Variants in DRC11 observed in about 807,000 individuals in gnomAD.
The protein encoded by DRC11 is dynein regulatory complex subunit 11.
chr2:236,353,840 A>T, the DRC11 span, among the ~76,000 whole-genome samples: 4 of 151,866 alleles, frequency 2.6e-5, no homozygotes, highest in Admixed American at 6.6e-5. The surrounding 1 kb of genome is among the most constrained non-coding windows in gnomAD (Gnocchi z 5.0). Context: ...GCTTATTTGC[A>T]GGGGGAGGGG....
the DRC11 span, among the ~76,000 whole-genome samples, chr2:236,323,184 T>C: frequency 6.6e-6 from 1 of 152,256 alleles, no homozygotes; most frequent in African/African-American, 2.4e-5. The surrounding 1 kb of genome is among the most constrained non-coding windows in gnomAD (Gnocchi z 6.4). Context: ...AGAGCCCTGA[T>C]GTTCTCTTCT....
the DRC11 span, among the ~76,000 whole-genome samples, chr2:236,381,411 A>C: frequency 6.6e-6 from 1 of 151,874 alleles, no homozygotes; most frequent in Non-Finnish European, 1.5e-5. The surrounding 1 kb of genome is among the most constrained non-coding windows in gnomAD (Gnocchi z 5.8). Flanking sequence ...GTTGTTTATA[A>C]ATTACTCAGC....
At chr2:236,468,005 A>G in the DRC11 span, among the ~76,000 whole-genome samples, 1 of 152,234 alleles carries the variant, frequency 6.6e-6, no homozygotes, top group South Asian at 2.1e-4. Flanking sequence ...AAAAGAGAAA[A>G]GGAAACCACA....
At chr2:236,459,520 T>TACGTATATAC in the DRC11 span, among the ~76,000 whole-genome samples, 1 of 114,008 alleles carries the variant, frequency 8.8e-6, no homozygotes, top group African/African-American at 3.4e-5. Context: ...TACGTATACA[T>TACGTATATAC]GTATACATGT....
the DRC11 span, chr2:236,487,895 G>T: frequency 1.5e-6 from 1 of 645,160 alleles, no homozygotes; most frequent in Non-Finnish European, 2.5e-6. Flanking sequence ...TTCTATTAAG[G>T]GTAGGATTTG....
At chr2:236,334,326 T>C in the DRC11 span, among the ~76,000 whole-genome samples, 1 of 152,034 alleles carries the variant, frequency 6.6e-6, no homozygotes, top group Non-Finnish European at 1.5e-5. The surrounding 1 kb of genome is among the most constrained non-coding windows in gnomAD (Gnocchi z 7.8). Context: ...CACAGCGTGG[T>C]GGGCTGGGTG....
At chr2:236,329,486 T>A in the DRC11 span, among the ~76,000 whole-genome samples, 53 of 152,320 alleles carry the variant, frequency 3.5e-4, 1 homozygote, top group South Asian at 0.011. Context: ...ATTCTCTCCA[T>A]CATGTCTGTG....
At chr2:236,497,190 A>G in the DRC11 span, 1 of 1,611,882 alleles carries the variant, frequency 6.2e-7, no homozygotes. The surrounding 1 kb of genome is among the most constrained non-coding windows in gnomAD (Gnocchi z 5.1). Flanking sequence ...CCTGCAGGAT[A>G]TCATCGAAAT....
the DRC11 span, chr2:236,488,203 A>T: frequency 1.9e-6 from 3 of 1,554,450 alleles, no homozygotes; most frequent in Non-Finnish European, 2.6e-6. Context: ...TGCAAAAAAC[A>T]GTCAAGATAA....
chr2:236,372,421 T>C, the DRC11 span, among the ~76,000 whole-genome samples: 1 of 152,216 alleles, frequency 6.6e-6, no homozygotes, highest in Admixed American at 6.5e-5. The surrounding 1 kb of genome is among the most constrained non-coding windows in gnomAD (Gnocchi z 4.5). Context: ...CTGATATTAG[T>C]TCTGTTTAGA....
the DRC11 span, among the ~76,000 whole-genome samples, chr2:236,357,385 AGATAT>A: frequency 4.9e-5 from 5 of 101,356 alleles, no homozygotes; most frequent in Non-Finnish European, 9.1e-5. Context: ...TATATAGTAT[AGATAT>A]TATATAGTAT....
the DRC11 span, among the ~76,000 whole-genome samples, chr2:236,467,437 T>A: frequency 6.6e-6 from 1 of 152,374 alleles, no homozygotes; most frequent in African/African-American, 2.4e-5. Context: ...CAGAAACAAT[T>A]TGACTTTCAG....
chr2:236,356,934 A>C, the DRC11 span, among the ~76,000 whole-genome samples: 1 of 138,916 alleles, frequency 7.2e-6, no homozygotes, highest in Non-Finnish European at 1.5e-5. Context: ...ATATATATTT[A>C]TATATTATAT....
At chr2:236,451,418 G>GT in the DRC11 span, among the ~76,000 whole-genome samples, 2 of 151,770 alleles carry the variant, frequency 1.3e-5, no homozygotes, top group African/African-American at 4.8e-5. Context: ...AAAATACTTG[G>GT]TTTTTCATTC....
At chr2:236,346,322 C>T in the DRC11 span, among the ~76,000 whole-genome samples, 45 of 152,322 alleles carry the variant, frequency 3.0e-4, 1 homozygote, top group South Asian at 9.1e-3. Flanking sequence ...GGCCTTAGCA[C>T]ATGTGGAATA....
chr2:236,418,665 T>C, the DRC11 span, among the ~76,000 whole-genome samples: 38 of 152,370 alleles, frequency 2.5e-4, no homozygotes, highest in Non-Finnish European at 4.0e-4. Context: ...TGTGACACTG[T>C]GTGAACTCTG....
chr2:236,498,252 G>A, the DRC11 span, among the ~76,000 whole-genome samples: 1 of 151,596 alleles, frequency 6.6e-6, no homozygotes, highest in Admixed American at 6.6e-5. Flanking sequence ...TGGATCACGA[G>A]GTCAGGAGAT....
chr2:236,357,522 A>T, the DRC11 span, among the ~76,000 whole-genome samples: 2 of 127,308 alleles, frequency 1.6e-5, no homozygotes, highest in Non-Finnish European at 3.1e-5. Flanking sequence ...AAATATATTT[A>T]TATATTATGA....
chr2:236,322,710 T>C, the DRC11 span, among the ~76,000 whole-genome samples: 1 of 152,206 alleles, frequency 6.6e-6, no homozygotes, highest in Non-Finnish European at 1.5e-5. Flanking sequence ...ACAGGATCTT[T>C]AGCTATCTTT....
Sources: gnomAD v4.1 joint callset for allele counts (sites outside exome capture counted in the v4.1 genomes callset) on GRCh38, gnomAD v4.1.1 for gene constraint, Gnocchi (gnomAD v3.1) non-coding constraint, MANE v1.5 for transcripts, NCBI Gene and HGNC (gene_info 2026-07-23, HGNC 2026-07-21) for gene names.